Variants in GNL2 observed in about 807,000 individuals in gnomAD.
GNL2 encodes the protein G protein nucleolar 2, also known as nucleolar GTP-binding protein 2.
In GNL2, 51 loss-of-function variants were observed where a neutral mutation model predicts 92.3. The observed-to-expected ratio is 0.55, with a 90% CI of 0.44 to 0.70. GNL2 has a LOEUF of 0.70. Among genes scored for constraint, GNL2 ranks in the 30% least tolerant of loss-of-function variants. GNL2 has a pLI of 0.00. For synonymous variants in GNL2, 283 were observed against 300.6 expected, an observed-to-expected ratio of 0.94 and a Z score of 0.61; for missense variants, 844 against 895.6, an observed-to-expected ratio of 0.94 and a Z score of 0.74.
intron 2 of GNL2, 86 bp downstream of exon 2, chr1:37,593,676 G>A (rs545467653): frequency 6.2e-5 from 52 of 844,032 alleles, no homozygotes; most frequent in South Asian, 1.2e-4. Flanking sequence ...GGAAGTGGGG[G>A]TGAGAACAGC....
chr1:37,568,470 G>A, intron 13 of GNL2, 113 bp from the exon 14 acceptor site: 1 of 674,330 alleles, frequency 1.5e-6, no homozygotes, highest in South Asian at 1.7e-5. Context: ...TATCCAAGTA[G>A]TTATCACCAG....
intron 1 of GNL2, chr1:37,594,109 T>G (rs1643906615): frequency 2.4e-6 from 1 of 417,384 alleles, no homozygotes. Flanking sequence ...GATGGCACTG[T>G]GTTATCCAAA....
intron 1 of GNL2, among the ~76,000 whole-genome samples, chr1:37,595,226 C>T (rs1277361124): frequency 1.3e-5 from 2 of 152,236 alleles, no homozygotes; most frequent in Non-Finnish European, 2.9e-5. Context: ...GTTAATCGTA[C>T]AGGTGGAACC....
At chr1:37,567,799 A>G (rs377604963) in intron 14 of GNL2, 35 bp from the exon 15 acceptor site, 1 of 1,550,598 alleles carries the variant, frequency 6.4e-7, no homozygotes, top group Non-Finnish European at 8.9e-7. Context: ...GGAATTTTCT[A>G]TTGAAAATTT....
chr1:37,574,641 A>C, intron 11 of GNL2, 24 bp downstream of exon 11: 1 of 1,609,748 alleles, frequency 6.2e-7, no homozygotes. Flanking sequence ...GTATCAGTCT[A>C]AATTCTCACA....
chr1:37,567,834 A>C (rs1174201464), intron 14 of GNL2, 70 bp from the exon 15 acceptor site: 36 of 1,174,894 alleles, frequency 3.1e-5, no homozygotes, highest in Non-Finnish European at 2.7e-5. Flanking sequence ...CGGTGGGAAC[A>C]AGCTTGATGT....
rs1003699866 is a variant in GNL2 at position 37,568,866 on chromosome 1, T to C, written c.1853A>G (p.Lys618Arg). 6 of 1,611,302 alleles carry C rather than the reference T, an allele frequency of 3.7e-6. No homozygotes were observed. Among genetic ancestry groups the C allele is most frequent in the African/African-American group, 1.3e-5 (1 of 74,852 alleles). The change falls in exon 13 of 16, where the codon AAG becomes AGG. Residue 618 changes from lysine (K) to arginine (R), a missense_variant. By Grantham distance (26) the Lys-to-Arg change is conservative. Coordinates refer to ENST00000373062, the MANE Select transcript of GNL2 (RefSeq NM_013285.3). The part of the protein sequence containing the change: ...QKFLDKAKAK[K>R]FSAVRISKGL... ...AAAATATTACCTGACTGCTGAAAAC[T>C]TTTTGGCTTTGGCTTTGTCTAGAAA...
At position 37,574,761 on chromosome 1, in the gene GNL2, C is replaced by G. The variant is rs749740518; in HGVS notation, c.1206G>C (p.Lys402Asn). ...TGTATGTTTTGCTGATATATTCTGG[C>G]TTTGCTCGTTCAAGTACAGCACCAA... Reference protein sequence around the residue: ...DHIGAVLERAKPEYISKTYKI... With the variant: ...DHIGAVLERANPEYISKTYKI... The change falls in exon 11 of 16, where the codon AAG becomes AAC. Residue 402 changes from lysine to asparagine, a missense_variant. Coordinates refer to ENST00000373062, the MANE Select transcript of GNL2 (RefSeq NM_013285.3). 3.7e-6 allele frequency: 6 copies of G among 1,613,784 alleles called. No homozygotes were observed. In the Admixed American group the frequency reaches 8.3e-5, roughly 22 times the overall value.
chr1:37,568,192 G>T (rs1331001320), intron 14 of GNL2, 83 bp downstream of exon 14: 1 of 811,776 alleles, frequency 1.2e-6, no homozygotes, highest in Admixed American at 2.0e-5. Context: ...GGATGACTGA[G>T]ATAATTTGGA....
chr1:37,574,558 T>A, intron 11 of GNL2, 102 bp from the exon 12 acceptor site: 1 of 1,390,924 alleles, frequency 7.2e-7, no homozygotes, highest in Non-Finnish European at 1.0e-6. Context: ...ATCACTTAAG[T>A]GACAAGTTTC....
At chr1:37,593,897 A>G (rs773959153) in intron 1 of GNL2, 51 bp from the exon 2 acceptor site, 21 of 1,345,120 alleles carry the variant, frequency 1.6e-5, no homozygotes, top group Non-Finnish European at 2.2e-5. Flanking sequence ...AACCAGTATA[A>G]CCAACAAGTC....
At chr1:37,577,916 T>C (rs1440805035) in intron 8 of GNL2, among the ~76,000 whole-genome samples, 3 of 152,212 alleles carry the variant, frequency 2.0e-5, no homozygotes, top group Non-Finnish European at 4.4e-5. Flanking sequence ...TTGAAAGGGA[T>C]CCTGGATTTA....
chr1:37,584,461 TAAAA>T (rs377282004), intron 5 of GNL2, among the ~76,000 whole-genome samples: 1 of 115,256 alleles, frequency 8.7e-6, no homozygotes, highest in Admixed American at 8.7e-5. Context: ...AATAATTAAT[TAAAA>T]AAAAAAAAAA....
chr1:37,590,037 T>C (rs984875403), intron 4 of GNL2, among the ~76,000 whole-genome samples: 1 of 152,240 alleles, frequency 6.6e-6, no homozygotes. Context: ...GTGTGCTATG[T>C]GCTCACTATG....
intron 8 of GNL2, among the ~76,000 whole-genome samples, chr1:37,578,527 GA>G (rs1488481135): frequency 6.7e-6 from 1 of 149,710 alleles, no homozygotes; most frequent in East Asian, 1.9e-4. Context: ...ACTCCATGGA[GA>G]AAAAAAAGAA....
intron 4 of GNL2, among the ~76,000 whole-genome samples, chr1:37,589,333 C>T (rs962446133): frequency 6.6e-6 from 1 of 152,260 alleles, no homozygotes; most frequent in Non-Finnish European, 1.5e-5. Context: ...GAGACGGAGT[C>T]TTGCTCTGTC....
At chr1:37,567,034 A>G in intron 15 of GNL2, 27 bp from the exon 16 acceptor site, 1 of 1,602,024 alleles carries the variant, frequency 6.2e-7, no homozygotes, top group Non-Finnish European at 8.5e-7. Flanking sequence ...GAAAAGATGA[A>G]GAAAAAAAAC....
intron 8 of GNL2, among the ~76,000 whole-genome samples, chr1:37,578,155 C>G (rs1643707719): frequency 6.6e-6 from 1 of 152,044 alleles, no homozygotes; most frequent in Non-Finnish European, 1.5e-5. Flanking sequence ...AATTTGGGTC[C>G]CAGTCAGGCA....
intron 12 of GNL2, among the ~76,000 whole-genome samples, chr1:37,573,972 G>A (rs909455811): frequency 6.6e-6 from 1 of 152,108 alleles, no homozygotes; most frequent in African/African-American, 2.4e-5. Context: ...TCGGCTCACT[G>A]CAACTTGTCT....
Sources: allele counts gnomAD v4.1 joint callset (sites outside exome capture counted in the v4.1 genomes callset), GRCh38; gene constraint gnomAD v4.1.1; transcripts MANE v1.5; gene names NCBI Gene and HGNC (gene_info 2026-07-23, HGNC 2026-07-21).